The following PARM1 variants were observed in gnomAD, a reference collection of about 807,000 sequenced individuals.
The protein encoded by PARM1 is prostate androgen-regulated mucin-like protein 1, also known as WSC4, cell wall integrity and stress response component 4 homolog.
PARM1 carries 14 observed loss-of-function variants against 24.6 expected under a neutral mutation model. The observed-to-expected ratio is 0.57, with a 90% confidence interval of 0.38 to 0.89. PARM1 has a LOEUF of 0.89. Among genes scored for constraint, PARM1 ranks in the 40% least tolerant of loss-of-function variants. The pLI, the probability that PARM1 is intolerant of heterozygous loss-of-function variation, is 0.00. For synonymous variants in PARM1, 179 were observed against 156.6 expected, an observed-to-expected ratio of 1.14 and a Z score of -1.07; for missense variants, 362 against 380.4, an observed-to-expected ratio of 0.95 and a Z score of 0.40.
At chr4:75,022,231 C>T (rs1315694710) in intron 2 of PARM1, among the ~76,000 whole-genome samples, 1 of 152,162 alleles carries the variant, frequency 6.6e-6, no homozygotes, top group Non-Finnish European at 1.5e-5. Context: ...TTTTCATATA[C>T]TTGTTGTTTG....
At position 75,002,983 on chromosome 4, in the gene PARM1, C is replaced by A. The variant is rs551956192; in HGVS notation, c.44-9442C>A. Among the ~76,000 whole-genome samples, 8 of 152,280 alleles carry A rather than the reference C, an allele frequency of 5.3e-5. No homozygotes were observed. The South Asian group carries it at 1.5e-3, about 28-fold the overall frequency. On this transcript the variant is annotated intron_variant, in intron 1 of 3. Coordinates refer to ENST00000307428, the MANE Select transcript of PARM1 (RefSeq NM_015393.4). ...TGTGGGCCTTTGTGTGTACTCTTGCCCTGGATCCCACAAATGTTGGGACTG... is the reference window on the plus strand; with the variant it reads ...TGTGGGCCTTTGTGTGTACTCTTGCACTGGATCCCACAAATGTTGGGACTG...
chr4:74,981,748 G>A (rs934728993), intron 1 of PARM1, among the ~76,000 whole-genome samples: 13 of 151,948 alleles, frequency 8.6e-5, no homozygotes, highest in African/African-American at 2.7e-4. Context: ...AGTGGAAGGC[G>A]CCTGTAATCC....
chr4:74,979,028 C>T (rs528472220), intron 1 of PARM1, among the ~76,000 whole-genome samples: 2 of 151,592 alleles, frequency 1.3e-5, no homozygotes, highest in East Asian at 1.9e-4. Context: ...AAATAGACAC[C>T]CTAACATCAC....
chr4:75,005,971 C>T (rs1017050071), intron 1 of PARM1, among the ~76,000 whole-genome samples: 2 of 152,170 alleles, frequency 1.3e-5, no homozygotes, highest in African/African-American at 4.8e-5. Context: ...CAGGACACAC[C>T]ATCTCTGGCA....
In PARM1 at chr4:74,938,456, T is replaced by A. The variant is rs17000008; in HGVS notation, c.43+5086T>A. 9.3e-3 allele frequency among the ~76,000 whole-genome samples: 1,410 copies of A among 152,294 alleles called. 18 individuals carry two copies. Among genetic ancestry groups the A allele is most frequent in the African/African-American group, 0.032 (1,339 of 41,564 alleles). On this transcript the variant is annotated intron_variant, in intron 1 of 3. Coordinates refer to ENST00000307428, the MANE Select transcript of PARM1 (RefSeq NM_015393.4). Reference sequence around the variant, plus strand: ...ACTTATTTGTCTTGTTCATAAGATATCAAATGAAGCAGTTTCTTGGAAAAA... The same window carrying A: ...ACTTATTTGTCTTGTTCATAAGATAACAAATGAAGCAGTTTCTTGGAAAAA...
chr4:74,983,310 T>C (rs954094853), intron 1 of PARM1, among the ~76,000 whole-genome samples: 22 of 152,198 alleles, frequency 1.4e-4, no homozygotes, highest in African/African-American at 5.1e-4. Context: ...TCTGAAATCT[T>C]AACTCATAAC....
intron 1 of PARM1, among the ~76,000 whole-genome samples, chr4:74,955,267 G>A (rs549194556): frequency 1.3e-5 from 2 of 151,960 alleles, no homozygotes; most frequent in South Asian, 4.2e-4. Flanking sequence ...ATATTTAGCA[G>A]TTGTGGTAAG....
At chr4:74,950,015 A>C (rs1721492772) in intron 1 of PARM1, among the ~76,000 whole-genome samples, 1 of 152,130 alleles carries the variant, frequency 6.6e-6, no homozygotes, top group African/African-American at 2.4e-5. Flanking sequence ...ATTTAGAAGG[A>C]AGTGTGCCCT....
At chr4:74,974,865 C>CTG (rs1253628081) in intron 1 of PARM1, among the ~76,000 whole-genome samples, 1 of 152,142 alleles carries the variant, frequency 6.6e-6, no homozygotes, top group East Asian at 1.9e-4. Context: ...CTGTCTCTCT[C>CTG]CATCTCATGG....
chr4:74,990,824 T>A (rs1722453318), intron 1 of PARM1, among the ~76,000 whole-genome samples: 1 of 152,164 alleles, frequency 6.6e-6, no homozygotes, highest in Non-Finnish European at 1.5e-5. Context: ...CCCTCCAGTG[T>A]TATAAAGTTG....
intron 1 of PARM1, among the ~76,000 whole-genome samples, chr4:74,983,045 T>C (rs1399065303): frequency 6.6e-6 from 1 of 152,234 alleles, no homozygotes; most frequent in East Asian, 1.9e-4. Flanking sequence ...GACCAGATAT[T>C]GTCTTGTATC....
rs1722701980 is a variant in PARM1, at chr4:75,002,566, T to C, written c.44-9859T>C. Among the ~76,000 whole-genome samples the C allele has an allele frequency of 3.3e-5, 5 of 152,052 alleles. No individual in the cohort carries two copies. In the South Asian group the frequency reaches 1.0e-3, roughly 32 times the overall value. On this transcript the variant is annotated intron_variant, in intron 1 of 3. Transcript: ENST00000307428. ...TGACCTGCAGGCACAGGAGTGAGGA[T>C]AGGAAGGAATGAATCACCACCTTGG...
intron 1 of PARM1, among the ~76,000 whole-genome samples, chr4:74,979,655 C>T (rs1408521885): frequency 6.6e-6 from 1 of 152,090 alleles, no homozygotes; most frequent in Non-Finnish European, 1.5e-5. Flanking sequence ...AGAGACACAA[C>T]AACAACACAA....
At chr4:75,015,565 TC>T (rs1482949060) in intron 2 of PARM1, among the ~76,000 whole-genome samples, 4 of 152,184 alleles carry the variant, frequency 2.6e-5, no homozygotes, top group Admixed American at 6.5e-5. Flanking sequence ...ATGAGACCTA[TC>T]CTTTGAGATT....
chr4:74,953,907 AT>A (rs1216813139), intron 1 of PARM1, among the ~76,000 whole-genome samples: 1 of 152,236 alleles, frequency 6.6e-6, no homozygotes, highest in East Asian at 1.9e-4. Context: ...GAAGTGGCCT[AT>A]CTCTCTCTTG....
chr4:74,975,325 A>G (rs1359645673), intron 1 of PARM1, among the ~76,000 whole-genome samples: 1 of 152,204 alleles, frequency 6.6e-6, no homozygotes, highest in Non-Finnish European at 1.5e-5. Context: ...ATCATGTTAG[A>G]GTGCGGTATT....
intron 1 of PARM1, among the ~76,000 whole-genome samples, chr4:74,947,440 A>C (rs1002564154): frequency 2.0e-5 from 3 of 152,222 alleles, no homozygotes; most frequent in Non-Finnish European, 4.4e-5. Context: ...GAGACATAGC[A>C]GCCAATCACA....
chr4:75,032,954 T>G (rs1265906647), intron 2 of PARM1, among the ~76,000 whole-genome samples: 1 of 152,216 alleles, frequency 6.6e-6, no homozygotes, highest in East Asian at 1.9e-4. Context: ...TCTTGCCATT[T>G]TTAAGGTGAA....
chr4:75,033,809 A>G, intron 2 of PARM1, 74 bp from the exon 3 acceptor site: 1 of 1,191,294 alleles, frequency 8.4e-7, no homozygotes, highest in East Asian at 2.7e-5. Context: ...GAAGGTGGAT[A>G]CTACGCACGC....
Sources: allele counts gnomAD v4.1 joint callset (sites outside exome capture counted in the v4.1 genomes callset), GRCh38; gene constraint gnomAD v4.1.1; transcripts MANE v1.5; gene names NCBI Gene and HGNC (gene_info 2026-07-23, HGNC 2026-07-21).